The following DNAH6 variants were observed in gnomAD, a reference collection of about 807,000 sequenced individuals.
DNAH6 encodes dynein axonemal heavy chain 6, also known as axonemal beta dynein heavy chain 6.
Under a neutral mutation model 491.4 loss-of-function variants are expected in DNAH6, and 340 were observed. The ratio of observed to expected loss-of-function variants is 0.69; its 90% CI spans 0.63 to 0.76. The LOEUF is 0.76. Among genes scored for constraint, DNAH6 ranks in the 30% least tolerant of loss-of-function variants. The pLI is 0.00. For missense variants in DNAH6, 4,443 were observed against 4,972.2 expected (o/e 0.89, Z 3.20); for synonymous variants, 1,603 against 1,686.1 (o/e 0.95, Z 1.21).
chr2:84,634,193 C>T (rs1688655421), intron 29 of DNAH6, among the ~76,000 whole-genome samples: 1 of 152,068 alleles, frequency 6.6e-6, no homozygotes, highest in Admixed American at 6.6e-5. Context: ...TTTGTATGTT[C>T]CATGTGTTAA....
At chr2:84,602,568 A>T (rs1299372415) in intron 18 of DNAH6, among the ~76,000 whole-genome samples, 1 of 130,666 alleles carries the variant, frequency 7.7e-6, no homozygotes, top group African/African-American at 2.9e-5. Flanking sequence ...GGAGTAGAGT[A>T]TGCCTAGGTG....
At chr2:84,751,714 A>G (rs2105076845) in intron 63 of DNAH6, among the ~76,000 whole-genome samples, 1 of 152,310 alleles carries the variant, frequency 6.6e-6, no homozygotes, top group South Asian at 2.1e-4. Flanking sequence ...TCACCACAGA[A>G]CAAAGCTAAG....
chr2:84,608,778 A>C (rs1345477368), intron 21 of DNAH6, among the ~76,000 whole-genome samples: 1 of 152,200 alleles, frequency 6.6e-6, no homozygotes, highest in Non-Finnish European at 1.5e-5. Context: ...TTTATCCCTA[A>C]CATGAGTCAG....
At chr2:84,734,100 T>C (rs1699335088) in intron 62 of DNAH6, among the ~76,000 whole-genome samples, 1 of 151,976 alleles carries the variant, frequency 6.6e-6, no homozygotes, top group Non-Finnish European at 1.5e-5. Context: ...GTATTCATTT[T>C]TCCCTGCAAG....
the DNAH6 span, among the ~76,000 whole-genome samples, chr2:84,479,741 A>G: frequency 6.6e-6 from 1 of 152,196 alleles, no homozygotes; most frequent in Non-Finnish European, 1.5e-5. Flanking sequence ...GAAAGAAGAG[A>G]GTTCTTGGGA....
intron 37 of DNAH6, among the ~76,000 whole-genome samples, chr2:84,664,317 AG>A (rs1178029480): frequency 1.3e-5 from 2 of 152,208 alleles, no homozygotes; most frequent in African/African-American, 4.8e-5. Context: ...TTGGATAAAG[AG>A]TCAAGACCCA....
chr2:84,570,950 C>G (rs1192528520), intron 11 of DNAH6, among the ~76,000 whole-genome samples: 2 of 152,050 alleles, frequency 1.3e-5, no homozygotes, highest in Non-Finnish European at 2.9e-5. Context: ...ACAAACAACT[C>G]CGGACACACC....
intron 64 of DNAH6, among the ~76,000 whole-genome samples, chr2:84,779,878 C>A (rs1676512713): frequency 6.6e-6 from 1 of 152,086 alleles, no homozygotes; most frequent in Non-Finnish European, 1.5e-5. Flanking sequence ...GCTTTTATTT[C>A]TCCTTTGCTT....
In DNAH6 at chr2:84,704,311, T is replaced by C. The variant is rs1431496123; in HGVS notation, c.8465+9T>C. On this transcript the variant is annotated intron_variant, in intron 51 of 76. Coordinates refer to ENST00000389394, the MANE Select transcript of DNAH6 (RefSeq NM_001370.2). ...ATTCTTTTGAATGCCAAGTGAGTAA[T>C]TCAGAGTCATGTATTGCCATGATAC... is the stretch of plus-strand genomic sequence containing the variant. The C allele has an allele frequency of 6.5e-7, 1 of 1,536,348 alleles. No individual in the cohort carries two copies. Among genetic ancestry groups the C allele is most frequent in the South Asian group, 1.2e-5 (1 of 83,732 alleles).
the DNAH6 span, among the ~76,000 whole-genome samples, chr2:84,483,347 C>T: frequency 6.6e-6 from 1 of 152,156 alleles, no homozygotes; most frequent in African/African-American, 2.4e-5. Context: ...TGACCAGTAG[C>T]TCTCAGGATT....
At chr2:84,659,198 A>T in intron 37 of DNAH6, 29 bp downstream of exon 37, 1 of 1,197,324 alleles carries the variant, frequency 8.4e-7, no homozygotes, top group South Asian at 2.0e-5. Context: ...ATATTTTAAC[A>T]TAATAATTCT....
chr2:84,738,448 G>A (rs137900844), intron 62 of DNAH6, among the ~76,000 whole-genome samples: 4 of 152,182 alleles, frequency 2.6e-5, no homozygotes, highest in African/African-American at 7.2e-5. Flanking sequence ...GGTGTTGTGT[G>A]TTGTGTGACT....
chr2:84,726,088 C>T (rs1459023134), intron 60 of DNAH6, among the ~76,000 whole-genome samples: 1 of 152,110 alleles, frequency 6.6e-6, no homozygotes, highest in Non-Finnish European at 1.5e-5. Context: ...TTTACCTTTG[C>T]GCTCCATCCT....
chr2:84,547,974 G>A (rs1427007648), intron 7 of DNAH6, among the ~76,000 whole-genome samples: 1 of 152,164 alleles, frequency 6.6e-6, no homozygotes, highest in Non-Finnish European at 1.5e-5. Context: ...GACTCAGTTA[G>A]CATGTACTAT....
At chr2:84,671,884 T>G (rs1692772011) in intron 39 of DNAH6, among the ~76,000 whole-genome samples, 1 of 152,254 alleles carries the variant, frequency 6.6e-6, no homozygotes, top group Non-Finnish European at 1.5e-5. Flanking sequence ...CAGGATGCTT[T>G]TGAATATCTA....
At chr2:84,646,145 G>T (rs1195163082) in intron 33 of DNAH6, among the ~76,000 whole-genome samples, 2 of 152,042 alleles carry the variant, frequency 1.3e-5, no homozygotes, top group East Asian at 3.9e-4. Flanking sequence ...TTTTATTATT[G>T]TATCTGTTAT....
At chr2:84,617,381 T>A (rs1397434669) in intron 23 of DNAH6, among the ~76,000 whole-genome samples, 4 of 152,104 alleles carry the variant, frequency 2.6e-5, no homozygotes, top group Non-Finnish European at 5.9e-5. Flanking sequence ...TAGTTATTTT[T>A]AAATGCACAA....
intron 15 of DNAH6, among the ~76,000 whole-genome samples, chr2:84,586,868 T>C (rs1477200087): frequency 6.6e-6 from 1 of 152,198 alleles, no homozygotes; most frequent in Non-Finnish European, 1.5e-5. Context: ...GGTTAAAAAG[T>C]ATGAATATCT....
chr2:84,660,452 A>G (rs1304718077), intron 37 of DNAH6, among the ~76,000 whole-genome samples: 1 of 152,192 alleles, frequency 6.6e-6, no homozygotes, highest in Non-Finnish European at 1.5e-5. Context: ...TCTTATGGCT[A>G]ATACCAACTA....
Sources: allele counts gnomAD v4.1 joint callset (sites outside exome capture counted in the v4.1 genomes callset), GRCh38; gene constraint gnomAD v4.1.1; transcripts MANE v1.5; gene names NCBI Gene and HGNC (gene_info 2026-07-23, HGNC 2026-07-21).